Variants in ACTN1 observed in about 807,000 individuals in gnomAD.
ACTN1 encodes the protein actinin alpha 1.
Under a neutral mutation model 119.6 loss-of-function variants are expected in ACTN1, and 30 were observed. The ratio of observed to expected loss-of-function variants is 0.25; its 90% CI spans 0.19 to 0.34. The LOEUF (loss-of-function observed/expected upper bound fraction) is 0.34. Among genes scored for constraint, ACTN1 ranks in the 10% least tolerant of loss-of-function variants. The pLI is 1.00. For synonymous variants in ACTN1, 429 were observed against 472.6 expected (o/e 0.91, Z 1.20); for missense variants, 764 against 1,223.4 (o/e 0.62, Z 5.60).
Position 68,874,825 on chromosome 14 carries a change from G to T in ACTN1, c.*34C>A. On this transcript the variant is annotated 3_prime_UTR_variant, in exon 22 of 22. Transcript: ENST00000394419. ...ACGGCGGAGGTGCAAGGCAGGGCAC[G>T]GCGCACAAGACGAGGGCGGCCGGGC... 1 of 1,529,164 alleles carries T rather than the reference G, an allele frequency of 6.5e-7. No homozygotes were observed. The highest frequency in any genetic ancestry group is 8.8e-7 in the Non-Finnish European group (1 of 1,132,726). The allele number at this position is 1,529,164 out of a possible 1,614,324, so 94.7% of individuals were successfully genotyped here.
chr14:68,966,599 CCCACTCCCAAATG>C (rs1318916861), intron 1 of ACTN1, among the ~76,000 whole-genome samples: 2 of 143,114 alleles, frequency 1.4e-5, no homozygotes, highest in East Asian at 2.2e-4. Flanking sequence ...CACACCTATC[CCCACTCCCAAATG>C]CCACTCCCAA....
chr14:68,874,489 A>G lies in ACTN1; in HGVS notation c.*370T>C, dbSNP rs922397645. On this transcript the variant is annotated 3_prime_UTR_variant, in exon 22 of 22. Transcript: ENST00000394419. ...ACAGCAGATGGAACAGATAGAAGAA[A>G]AAAAAATCAGTAAAAAGGATGGAAT... 1.6e-4 allele frequency: 27 copies of G among 168,966 alleles called. No homozygotes were observed. Among genetic ancestry groups the G allele is most frequent in the Admixed American group, 1.3e-3 (21 of 15,940 alleles). 10.5% of individuals were successfully genotyped at this position (168,966 alleles called of 1,614,324 possible).
chr14:68,954,098 G>A (rs1006811970), intron 1 of ACTN1, among the ~76,000 whole-genome samples: 1 of 151,798 alleles, frequency 6.6e-6, no homozygotes, highest in Non-Finnish European at 1.5e-5. Flanking sequence ...TTTACAGTAC[G>A]ATCAATTATA....
At chr14:68,896,299 C>G (rs745579309) in intron 8 of ACTN1, among the ~76,000 whole-genome samples, 5 of 152,162 alleles carry the variant, frequency 3.3e-5, no homozygotes, top group Non-Finnish European at 7.3e-5. Flanking sequence ...CACAGAGAAG[C>G]CCACTGGGTG....
intron 7 of ACTN1, among the ~76,000 whole-genome samples, chr14:68,903,427 C>T (rs1004239204): frequency 2.0e-5 from 3 of 151,722 alleles, no homozygotes; most frequent in Non-Finnish European, 4.4e-5. Context: ...ATCCCAGCTA[C>T]TTGGGAGGCT....
At chr14:68,876,305 G>A (rs1240263634) in intron 21 of ACTN1, among the ~76,000 whole-genome samples, 1 of 152,214 alleles carries the variant, frequency 6.6e-6, no homozygotes, top group Non-Finnish European at 1.5e-5. Context: ...AATCTTTTCA[G>A]TTTTGAAGGA....
At chr14:68,956,098 A>G (rs1201044017) in intron 1 of ACTN1, among the ~76,000 whole-genome samples, 1 of 152,098 alleles carries the variant, frequency 6.6e-6, no homozygotes, top group Non-Finnish European at 1.5e-5. Context: ...CCAGGGGTCC[A>G]AGGCTGTCGT....
At chr14:68,932,359 G>A (rs942907781) in intron 1 of ACTN1, among the ~76,000 whole-genome samples, 16 of 151,786 alleles carry the variant, frequency 1.1e-4, no homozygotes, top group Non-Finnish European at 1.9e-4. Context: ...TTTGGGACTC[G>A]GACTGGCTTC....
At chr14:68,892,387 G>T (rs959786513) in intron 9 of ACTN1, 104 bp from the exon 10 acceptor site, 1 of 1,208,606 alleles carries the variant, frequency 8.3e-7, no homozygotes, top group Admixed American at 2.2e-5. Context: ...TGGGGAAGGG[G>T]TCTCTCCTAA....
Position 68,878,292 on chromosome 14 carries a change from C to A in ACTN1, c.2427+166G>T. The stretch of plus-strand genomic sequence containing the variant: ...GGATACACACACGCCCGTGGCCGGG[C>A]CGGCTTTCAGGGAGCCATCTTCCCC... On this transcript the variant is annotated intron_variant, in intron 20 of 21. Coordinates refer to ENST00000394419, the MANE Select transcript of ACTN1 (RefSeq NM_001130004.2). The surrounding 1 kb of genome is among the most constrained non-coding windows in gnomAD (Gnocchi z 4.4). 9.7e-7 allele frequency: 1 copy of A among 1,026,706 alleles called. No individual in the cohort carries two copies. Among genetic ancestry groups the A allele is most frequent in the Non-Finnish European group, 1.4e-6 (1 of 736,722 alleles). The allele number at this position is 1,026,706 out of a possible 1,614,324, so 63.6% of individuals were successfully genotyped here.
intron 1 of ACTN1, among the ~76,000 whole-genome samples, chr14:68,959,075 G>C (rs751032186): frequency 6.6e-6 from 1 of 152,178 alleles, no homozygotes; most frequent in Non-Finnish European, 1.5e-5. Flanking sequence ...CAACCTATTA[G>C]CTCTCTTTTC....
Position 68,878,208 on chromosome 14 carries a change from G to A in ACTN1, c.2427+250C>T, listed in dbSNP as rs2031109877. On this transcript the variant is annotated intron_variant, in intron 20 of 21. Transcript: ENST00000394419. The surrounding 1 kb of genome is among the most constrained non-coding windows in gnomAD (Gnocchi z 4.4). The stretch of plus-strand genomic sequence containing the variant: ...GTCAGCCCAGCTGTCCACAGTGGGA[G>A]TGAGAAGTACCAGAAGATGAAGTGG... 2.2e-6 allele frequency: 1 copy of A among 455,270 alleles called. No homozygotes were observed. Among genetic ancestry groups the A allele is most frequent in the Admixed American group, 3.9e-5 (1 of 25,920 alleles). The allele number at this position is 455,270 out of a possible 1,614,324, so 28.2% of individuals were successfully genotyped here.
chr14:68,954,603 G>A (rs979008161), intron 1 of ACTN1, among the ~76,000 whole-genome samples: 2 of 152,300 alleles, frequency 1.3e-5, no homozygotes, highest in Admixed American at 6.5e-5. Context: ...TGGGATTACA[G>A]GCATGAGCCA....
At chr14:68,922,972 C>T (rs1330237234) in intron 2 of ACTN1, among the ~76,000 whole-genome samples, 1 of 152,178 alleles carries the variant, frequency 6.6e-6, no homozygotes, top group Non-Finnish European at 1.5e-5. Flanking sequence ...GGTATCCCAG[C>T]ATTTCCTGTC....
intron 1 of ACTN1, chr14:68,973,975 G>A (rs1442263009): frequency 6.6e-6 from 1 of 152,276 alleles, no homozygotes; most frequent in African/African-American, 2.4e-5. Flanking sequence ...TGTCCATGGC[G>A]AGTAACTCAG....
intron 1 of ACTN1, 38 bp downstream of exon 1, chr14:68,978,914 G>GGGGCTGC (rs1555361788): frequency 7.1e-7 from 1 of 1,415,884 alleles, no homozygotes; most frequent in Non-Finnish European, 9.6e-7. Context: ...CTGGGGGCTG[G>GGGGCTGC]GGGCTGGGGG....
intron 11 of ACTN1, among the ~76,000 whole-genome samples, chr14:68,888,444 C>A (rs942062636): frequency 1.3e-5 from 2 of 152,110 alleles, no homozygotes; most frequent in African/African-American, 4.8e-5. Context: ...CTGCCCGTCA[C>A]GTCTGGATAA....
intron 2 of ACTN1, among the ~76,000 whole-genome samples, chr14:68,924,188 G>A (rs944437625): frequency 2.0e-5 from 3 of 152,208 alleles, no homozygotes; most frequent in South Asian, 2.1e-4. Context: ...GAAGGTGGAC[G>A]GTGGCGATGG....
intron 1 of ACTN1, among the ~76,000 whole-genome samples, chr14:68,953,034 G>A (rs17106640): frequency 0.32 from 48,110 of 151,932 alleles, 7,921 homozygotes; most frequent in Non-Finnish European, 0.36. Flanking sequence ...CCACTGGAAC[G>A]CAGCCAACCC....
Sources: gnomAD v4.1 joint callset for allele counts (sites outside exome capture counted in the v4.1 genomes callset) on GRCh38, gnomAD v4.1.1 for gene constraint, Gnocchi (gnomAD v3.1) non-coding constraint, MANE v1.5 for transcripts, NCBI Gene and HGNC (gene_info 2026-07-23, HGNC 2026-07-21) for gene names.